LIMCH1: variants seen among roughly 807,000 people sequenced by gnomAD.
LIMCH1 encodes LIM and calponin homology domains-containing protein 1.
In LIMCH1, 113 loss-of-function variants were observed where a neutral mutation model predicts 176.5. The ratio of observed to expected loss-of-function variants is 0.64; its 90% CI spans 0.55 to 0.75. LIMCH1 has a LOEUF of 0.75. Ranked by LOEUF, LIMCH1 falls within the 30% of genes least tolerant of loss-of-function variation. The pLI, the probability that LIMCH1 is intolerant of heterozygous loss-of-function variation, is 0.00. For synonymous variants in LIMCH1, 619 were observed against 645.9 expected (o/e 0.96, Z 0.63); for missense variants, 1,674 against 1,814.9 (o/e 0.92, Z 1.41).
intron 1 of LIMCH1, among the ~76,000 whole-genome samples, chr4:41,398,877 C>T (rs182004227): frequency 6.6e-6 from 1 of 152,270 alleles, no homozygotes; most frequent in African/African-American, 2.4e-5. Flanking sequence ...TCCCACATCC[C>T]TAAATACAAC....
At chr4:41,675,130 A>T (rs6447106) in intron 22 of LIMCH1, among the ~76,000 whole-genome samples, 84,536 of 152,076 alleles carry the variant, frequency 0.56, 24,621 homozygotes, top group African/African-American at 0.69. Context: ...ATGAGGCCCA[A>T]GTTTCATTTG....
At chr4:41,464,987 C>G (rs75955508) in intron 1 of LIMCH1, among the ~76,000 whole-genome samples, 4,328 of 152,244 alleles carry the variant, frequency 0.028, 176 homozygotes, top group African/African-American at 0.092. Context: ...TTGCAATGGT[C>G]GTGCCTCTCA....
In LIMCH1 at chr4:41,620,754, C is replaced by G; in HGVS notation, c.725+64C>G. ...GCATGCCTGGGGATTTGGAATCTGT[C>G]TAGAGAGTTGGAGTTTTCATCTGAT... is the stretch of plus-strand genomic sequence containing the variant. On this transcript the variant is annotated intron_variant, in intron 7 of 31. Coordinates refer to ENST00000503057, the MANE Select transcript of LIMCH1 (RefSeq NM_001330672.2). The G allele has an allele frequency of 2.1e-6, 3 of 1,455,754 alleles. No homozygotes were observed. In the South Asian group the frequency reaches 4.2e-5, roughly 21 times the overall value. The allele number at this position is 1,455,754 out of a possible 1,614,324, so 90.2% of individuals were successfully genotyped here. A position where few individuals can be genotyped will look rare whatever the true frequency, so the allele number is the denominator to read the frequency against.
chr4:41,460,454 T>TTATATATATATATATATATA (rs1561441509), intron 1 of LIMCH1, among the ~76,000 whole-genome samples: 14 of 63,746 alleles, frequency 2.2e-4, no homozygotes, highest in East Asian at 1.3e-3. Flanking sequence ...ACTATAGTAA[T>TTATATATATATATATATATA]CATCTATATA....
In LIMCH1 at chr4:41,524,062, C is replaced by T. The variant is rs148629185; in HGVS notation, c.168-347C>T. On this transcript the variant is annotated intron_variant, in intron 2 of 26. Transcript: ENST00000313860. ...ATGTCTTAGCCAGGAAAATTGGCAA[C>T]AAGCCTTACCTGAGTTGTAATACCT... 3.9e-3 allele frequency among the ~76,000 whole-genome samples: 587 copies of T among 152,308 alleles called. 5 individuals are homozygous for T. The highest frequency in any genetic ancestry group is 0.013 in the African/African-American group (545 of 41,560).
intron 5 of LIMCH1, among the ~76,000 whole-genome samples, chr4:41,618,974 C>G (rs1034735244): frequency 6.6e-5 from 10 of 152,090 alleles, no homozygotes; most frequent in African/African-American, 2.4e-4. Flanking sequence ...TAGTTTTGCC[C>G]TTGTCAGGTT....
intron 7 of LIMCH1, among the ~76,000 whole-genome samples, chr4:41,625,959 G>C (rs2092922668): frequency 6.6e-6 from 1 of 152,134 alleles, no homozygotes; most frequent in Non-Finnish European, 1.5e-5. Flanking sequence ...ATTAGGGTAT[G>C]AGAGCTATGA....
At chr4:41,360,358 G>A (rs2154089727), upstream of LIMCH1, among the ~76,000 whole-genome samples, 1 of 152,078 alleles carries the variant, frequency 6.6e-6, no homozygotes. The surrounding 1 kb of genome is among the most constrained non-coding windows in gnomAD (Gnocchi z 4.5). Flanking sequence ...CGCTCCCCCG[G>A]GCCCGGGTGC....
intron 18 of LIMCH1, among the ~76,000 whole-genome samples, chr4:41,660,586 G>T (rs1195809953): frequency 6.6e-6 from 1 of 152,172 alleles, no homozygotes; most frequent in East Asian, 1.9e-4. Flanking sequence ...TATTCATGAG[G>T]TATGAGTCAA....
intron 1 of LIMCH1, among the ~76,000 whole-genome samples, chr4:41,391,119 G>A (rs2057184908): frequency 6.6e-6 from 1 of 152,158 alleles, no homozygotes. Context: ...AACAAATCAA[G>A]AAATTGTTTG....
At chr4:41,454,680 C>T (rs1206640142) in intron 1 of LIMCH1, among the ~76,000 whole-genome samples, 1 of 152,074 alleles carries the variant, frequency 6.6e-6, no homozygotes, top group African/African-American at 2.4e-5. Flanking sequence ...ACAGCTATTG[C>T]TAAAAGATAA....
intron 18 of LIMCH1, among the ~76,000 whole-genome samples, chr4:41,658,954 T>C (rs920740751): frequency 1.3e-5 from 2 of 152,208 alleles, no homozygotes; most frequent in Admixed American, 6.5e-5. Context: ...TAAAAATCAG[T>C]ATTTCTGCCA....
chr4:41,431,019 A>G (rs778452985), intron 1 of LIMCH1, among the ~76,000 whole-genome samples: 123 of 152,350 alleles, frequency 8.1e-4, no homozygotes, highest in Non-Finnish European at 1.6e-3. Flanking sequence ...GACATCTGTC[A>G]GAAGTTGGTG....
intron 1 of LIMCH1, among the ~76,000 whole-genome samples, chr4:41,574,165 C>G (rs1277404482): frequency 1.3e-5 from 2 of 149,974 alleles, no homozygotes; most frequent in East Asian, 2.0e-4. Flanking sequence ...GTAAAAGTCT[C>G]AGAAAGATAA....
intron 26 of LIMCH1, among the ~76,000 whole-genome samples, chr4:41,683,530 G>T (rs1295394717): frequency 6.6e-6 from 1 of 152,242 alleles, no homozygotes; most frequent in African/African-American, 2.4e-5. Flanking sequence ...TGGCAAGAGT[G>T]CATGCATGTG....
intron 1 of LIMCH1, among the ~76,000 whole-genome samples, chr4:41,577,680 C>T (rs1164534335): frequency 1.3e-5 from 2 of 152,158 alleles, no homozygotes; most frequent in African/African-American, 2.4e-5. Flanking sequence ...CCTCTAGACT[C>T]GGCCTCCCAA....
intron 18 of LIMCH1, among the ~76,000 whole-genome samples, chr4:41,651,733 A>T (rs1183254543): frequency 6.6e-6 from 1 of 152,204 alleles, no homozygotes; most frequent in Non-Finnish European, 1.5e-5. Context: ...ACAAAAATTC[A>T]TTTAAAAGCT....
At chr4:41,431,319 G>T (rs1287922156) in intron 1 of LIMCH1, among the ~76,000 whole-genome samples, 3 of 152,160 alleles carry the variant, frequency 2.0e-5, no homozygotes, top group Non-Finnish European at 4.4e-5. Flanking sequence ...ATCTTGGCCA[G>T]CCCCTTCTTA....
At chr4:41,606,860 G>A (rs186678689) in intron 4 of LIMCH1, among the ~76,000 whole-genome samples, 11 of 152,230 alleles carry the variant, frequency 7.2e-5, no homozygotes, top group East Asian at 1.9e-4. Context: ...GTGCAGTGGC[G>A]CAATCTCAGC....
Sources: gnomAD v4.1 joint callset for allele counts (sites outside exome capture counted in the v4.1 genomes callset) on GRCh38, gnomAD v4.1.1 for gene constraint, Gnocchi (gnomAD v3.1) non-coding constraint, MANE v1.5 for transcripts, NCBI Gene and HGNC (gene_info 2026-07-23, HGNC 2026-07-21) for gene names.